AGBL4: variants seen among roughly 807,000 people sequenced by gnomAD.
AGBL4 encodes cytosolic carboxypeptidase 6.
A neutral mutation model predicts 66.4 loss-of-function variants in AGBL4; 58 were observed. The ratio of observed to expected loss-of-function variants is 0.87; its 90% CI spans 0.71 to 1.09. The LOEUF (loss-of-function observed/expected upper bound fraction) is 1.09. Among genes scored for constraint, AGBL4 ranks in the 50% least tolerant of loss-of-function variants. The pLI is 0.00. For missense variants in AGBL4, 579 were observed against 631.0 expected (o/e 0.92, Z 0.88); for synonymous variants, 234 against 222.9 (o/e 1.05, Z -0.44).
chr1:49,073,753 CTG>C (rs919194264), intron 4 of AGBL4, among the ~76,000 whole-genome samples: 34 of 152,212 alleles, frequency 2.2e-4, no homozygotes, highest in African/African-American at 7.7e-4. Context: ...AGGAAGCACC[CTG>C]TCCATTATTA....
At chr1:48,700,957 C>G (rs1646791347) in intron 6 of AGBL4, among the ~76,000 whole-genome samples, 1 of 152,072 alleles carries the variant, frequency 6.6e-6, no homozygotes, top group Non-Finnish European at 1.5e-5. Context: ...AACACAGTGC[C>G]AGTGAAAGGG....
At chr1:49,590,993 T>C (rs1001357909) in intron 3 of AGBL4, among the ~76,000 whole-genome samples, 3 of 152,080 alleles carry the variant, frequency 2.0e-5, no homozygotes, top group Non-Finnish European at 4.4e-5. Context: ...CAAAAATTAA[T>C]AGGACTGAGT....
chr1:49,971,297 T>C (rs550744149), intron 1 of AGBL4, among the ~76,000 whole-genome samples: 3 of 152,318 alleles, frequency 2.0e-5, no homozygotes, highest in Admixed American at 6.5e-5. Context: ...TACCATACTA[T>C]ATATGCTACC....
intron 6 of AGBL4, among the ~76,000 whole-genome samples, chr1:48,678,801 A>G (rs1469531329): frequency 6.6e-6 from 1 of 152,198 alleles, no homozygotes; most frequent in East Asian, 1.9e-4. Context: ...CCTTCTCTTT[A>G]ATGCCAAGTG....
chr1:48,848,340 TA>T (rs1425121532), intron 6 of AGBL4, among the ~76,000 whole-genome samples: 1 of 152,224 alleles, frequency 6.6e-6, no homozygotes, highest in Non-Finnish European at 1.5e-5. Flanking sequence ...ACTGGCCCTA[TA>T]ACTGTTCTTC....
At chr1:49,706,698 C>G (rs962596017) in intron 2 of AGBL4, among the ~76,000 whole-genome samples, 5 of 152,086 alleles carry the variant, frequency 3.3e-5, no homozygotes, top group Non-Finnish European at 5.9e-5. Context: ...CTATAAATTT[C>G]CCTCTAAACA....
intron 3 of AGBL4, among the ~76,000 whole-genome samples, chr1:49,323,712 T>G (rs1379696020): frequency 4.0e-5 from 6 of 149,998 alleles, no homozygotes; most frequent in Non-Finnish European, 5.9e-5. Flanking sequence ...GAGCTTGCAG[T>G]GAGCCAAGAT....
chr1:48,886,238 T>TG (rs1650328884), intron 5 of AGBL4, among the ~76,000 whole-genome samples: 1 of 152,084 alleles, frequency 6.6e-6, no homozygotes, highest in Admixed American at 6.5e-5. Context: ...TCTTTCTGAG[T>TG]GGGGGTCCCG....
At chr1:49,813,460 G>A (rs1387395292) in intron 2 of AGBL4, among the ~76,000 whole-genome samples, 1 of 151,960 alleles carries the variant, frequency 6.6e-6, no homozygotes, top group Non-Finnish European at 1.5e-5. Context: ...TCTATTCTCA[G>A]CCCTCGTCTC....
chr1:49,303,775 C>T (rs1644799553), intron 3 of AGBL4, among the ~76,000 whole-genome samples: 1 of 152,040 alleles, frequency 6.6e-6, no homozygotes, highest in Non-Finnish European at 1.5e-5. Context: ...TGCACCCAAC[C>T]TAAATGTCTT....
intron 6 of AGBL4, among the ~76,000 whole-genome samples, chr1:48,722,847 C>T (rs547955792): frequency 7.2e-5 from 11 of 152,198 alleles, no homozygotes; most frequent in Non-Finnish European, 1.2e-4. Context: ...GGGGCAGATC[C>T]GTAAAAGAGC....
intron 3 of AGBL4, among the ~76,000 whole-genome samples, chr1:49,419,085 C>A (rs1165717108): frequency 6.6e-6 from 1 of 152,100 alleles, no homozygotes; most frequent in Non-Finnish European, 1.5e-5. Flanking sequence ...ATCAATAGAT[C>A]TTTGTAACTG....
chr1:49,966,471 T>C (rs143239254), intron 1 of AGBL4, among the ~76,000 whole-genome samples: 61 of 152,282 alleles, frequency 4.0e-4, no homozygotes, highest in Non-Finnish European at 7.2e-4. Context: ...TATTATTCCT[T>C]TCTGTAAATG....
At chr1:49,617,488 G>C (rs988394870) in intron 3 of AGBL4, among the ~76,000 whole-genome samples, 2 of 152,130 alleles carry the variant, frequency 1.3e-5, no homozygotes, top group African/African-American at 4.8e-5. Context: ...TTCCCCACTA[G>C]AATGTAAACT....
intron 6 of AGBL4, among the ~76,000 whole-genome samples, chr1:48,830,834 AT>A (rs1022546338): frequency 1.3e-5 from 2 of 152,114 alleles, no homozygotes; most frequent in African/African-American, 4.8e-5. Context: ...ACATTATTTC[AT>A]TTTTTTTAAA....
intron 9 of AGBL4, among the ~76,000 whole-genome samples, chr1:48,612,363 A>G (rs994924550): frequency 5.9e-5 from 9 of 152,242 alleles, no homozygotes; most frequent in Non-Finnish European, 1.3e-4. Context: ...GTGCAGTGAT[A>G]GAGACCAGCA....
At chr1:49,845,478 C>G in intron 2 of AGBL4, 6 of 1,570,658 alleles carry the variant, frequency 3.8e-6, no homozygotes, top group Non-Finnish European at 5.3e-6. Flanking sequence ...TGCGAATCCA[C>G]ACTGGGGAGA....
chr1:49,708,398 T>G (rs1647375144), intron 2 of AGBL4, among the ~76,000 whole-genome samples: 1 of 152,072 alleles, frequency 6.6e-6, no homozygotes, highest in Admixed American at 6.6e-5. Flanking sequence ...GTTTTTCATC[T>G]CCATCAGTTC....
intron 6 of AGBL4, among the ~76,000 whole-genome samples, chr1:48,797,232 T>C (rs1445244038): frequency 6.6e-6 from 1 of 152,208 alleles, no homozygotes; most frequent in Non-Finnish European, 1.5e-5. Flanking sequence ...GACTTTCTTT[T>C]ATTTTAATAG....
Sources: gnomAD v4.1 joint callset for allele counts (sites outside exome capture counted in the v4.1 genomes callset) on GRCh38, gnomAD v4.1.1 for gene constraint, MANE v1.5 for transcripts, NCBI Gene and HGNC (gene_info 2026-07-23, HGNC 2026-07-21) for gene names.